The following GCNA variants were observed in gnomAD, a reference collection of about 807,000 sequenced individuals.
The protein encoded by GCNA is germ cell nuclear acidic protein.
GCNA carries 3 observed loss-of-function variants against 38.8 expected under a neutral mutation model. That is an observed-to-expected ratio of 0.08 (90% CI 0.04 to 0.20). The LOEUF is 0.20. Among genes scored for constraint, GCNA ranks in the 10% least tolerant of loss-of-function variants. GCNA has a pLI of 1.00. For synonymous variants in GCNA, 195 were observed against 240.2 expected, an observed-to-expected ratio of 0.81 and a Z score of 1.74; for missense variants, 446 against 578.6, an observed-to-expected ratio of 0.77 and a Z score of 2.35.
chrX:71,612,896 C>A lies in GCNA; in HGVS notation c.1990C>A (p.Arg664Ser), dbSNP rs138927483. 2 of 1,211,532 alleles carry A rather than the reference C, an allele frequency of 1.7e-6. No individual in the cohort carries two copies. Among genetic ancestry groups the A allele is most frequent in the East Asian group, 5.9e-5 (2 of 33,840 alleles). ...CTACACCAAATCGTTGGACACCAGC[C>A]GCTTCATCTGTGCCAAATGCAAGGG... Reference protein sequence around the residue: ...GCYTKSLDTSRFICAKCKGSL... With the variant: ...GCYTKSLDTSSFICAKCKGSL... Residue 664 changes from arginine to serine, a missense_variant, in exon 13 of 13, where the codon CGC (arginine) becomes AGC (serine). By Grantham distance (110) the Arg-to-Ser change is moderately radical. Transcript: ENST00000373696.
intron 2 of GCNA, among the ~76,000 whole-genome samples, chrX:71,586,461 G>A (rs1468947886): frequency 1.8e-5 from 2 of 111,292 alleles, no homozygotes; most frequent in Non-Finnish European, 3.8e-5. Flanking sequence ...GATATGGGAG[G>A]TGAGGGAAAG....
At chrX:71,606,270 A>G (rs2040768728) in intron 9 of GCNA, among the ~76,000 whole-genome samples, 1 of 112,272 alleles carries the variant, frequency 8.9e-6, no homozygotes, top group African/African-American at 3.2e-5. Flanking sequence ...ACTACTATGT[A>G]TATCTGTATG....
chrX:71,605,848 A>G, intron 9 of GCNA, 119 bp downstream of exon 9: 1 of 542,200 alleles, frequency 1.8e-6, no homozygotes, highest in Non-Finnish European at 2.9e-6. Context: ...CTGGGATGGG[A>G]CTGGGGGACA....
chrX:71,598,981 C>T (rs936556712), intron 7 of GCNA, among the ~76,000 whole-genome samples: 1 of 109,854 alleles, frequency 9.1e-6, no homozygotes, highest in African/African-American at 3.3e-5. Context: ...GCTGGGATTA[C>T]AGGCGCCCGC....
At chrX:71,580,498 G>A (rs1379513009) in intron 1 of GCNA, 7 of 147,655 alleles carry the variant, frequency 4.7e-5, no homozygotes, top group African/African-American at 2.3e-4. Context: ...TTTTTGAGAT[G>A]GAGTCTAGCT....
intron 7 of GCNA, among the ~76,000 whole-genome samples, chrX:71,600,704 ATAG>A (rs1385121951): frequency 3.6e-5 from 4 of 112,049 alleles, no homozygotes; most frequent in Non-Finnish European, 7.5e-5. Flanking sequence ...TTGTGAGTAG[ATAG>A]TAGGTGTATA....
At chrX:71,595,081 A>G (rs2040660312) in intron 6 of GCNA, among the ~76,000 whole-genome samples, 1 of 110,563 alleles carries the variant, frequency 9.0e-6, no homozygotes. Flanking sequence ...GCTCCTTTTT[A>G]TTTTTGTTTT....
In GCNA at chrX:71,603,725, G is replaced by A; in HGVS notation, c.448G>A (p.Asp150Asn). 5 of 1,207,679 alleles carry A rather than the reference G, an allele frequency of 4.1e-6. No individual in the cohort carries two copies. The highest frequency in any genetic ancestry group is 5.6e-6 in the Non-Finnish European group (5 of 894,816). Residue 150 changes from aspartate to asparagine, a missense_variant, in exon 8 of 13, where the codon GAC becomes AAC. Asp to Asn is a conservative substitution (Grantham distance 23). Coordinates refer to ENST00000373696, the MANE Select transcript of GCNA (RefSeq NM_052957.5). ...CAACAGTGATGATTCAGAAGCTCCC[G>A]ACGACAACAGTGATGATTCGGAAGC... is the stretch of plus-strand genomic sequence containing the variant. ...DDNSDDSEAPDDNSDDSEAPD... is the reference protein window; with the variant it reads ...DDNSDDSEAPNDNSDDSEAPD...
intron 9 of GCNA, 94 bp from the exon 10 acceptor site, chrX:71,608,879 C>G: frequency 9.9e-7 from 1 of 1,011,367 alleles, no homozygotes; most frequent in Non-Finnish European, 1.3e-6. Context: ...GAAGAGGGAG[C>G]AACATGTTTT....
At chrX:71,601,961 G>A (rs2040718968) in intron 7 of GCNA, among the ~76,000 whole-genome samples, 1 of 111,927 alleles carries the variant, frequency 8.9e-6, no homozygotes, top group African/African-American at 3.3e-5. Context: ...TCTTTCTTTC[G>A]GGTATATACG....
chrX:71,596,538 T>C (rs769980613), intron 6 of GCNA, among the ~76,000 whole-genome samples: 1 of 112,140 alleles, frequency 8.9e-6, no homozygotes, highest in Non-Finnish European at 1.9e-5. Context: ...GAAGTCCTTA[T>C]TTGATAATTA....
At chrX:71,584,752 C>A (rs1233765899) in intron 2 of GCNA, among the ~76,000 whole-genome samples, 1 of 110,343 alleles carries the variant, frequency 9.1e-6, no homozygotes, top group African/African-American at 3.3e-5. Flanking sequence ...CCTGTAGTCC[C>A]AGCTACTCGG....
rs372473788 is a variant in GCNA at position 71,612,980 on chromosome X, T to C, written c.2074T>C (p.Ter692ArgextTer40). 4 of 1,209,678 alleles carry C rather than the reference T, an allele frequency of 3.3e-6. No homozygotes were observed. In the African/African-American group the frequency reaches 5.2e-5, roughly 16 times the overall value. The change falls in exon 13 of 13, where the codon TGA (stop) becomes CGA (arginine). Residue 692 changes from the stop codon to arginine (R), a stop_lost. Coordinates refer to ENST00000373696, the MANE Select transcript of GCNA (RefSeq NM_052957.5). ...TGGGACCCGTATTGTGCCCCACGTG[T>C]GACCATTTGCTGTGTATGTGCAGAA... is the stretch of plus-strand genomic sequence containing the variant. ...KDGTRIVPHV[*>R] is the part of the protein sequence containing the mutation.
chrX:71,588,881 CTTTTTTTTAAGTT>C (rs1189873123), intron 2 of GCNA, among the ~76,000 whole-genome samples: 1 of 106,647 alleles, frequency 9.4e-6, no homozygotes, highest in African/African-American at 3.4e-5. Context: ...TCTTTTATAA[CTTTTTTTTAAGTT>C]TTTTTTTTTT....
intron 1 of GCNA, 31 bp from the exon 2 acceptor site, chrX:71,580,789 T>G: frequency 1.7e-6 from 2 of 1,182,241 alleles, no homozygotes; most frequent in East Asian, 3.1e-5. Flanking sequence ...CTGGCTTTCT[T>G]AAGAAAGTGT....
At chrX:71,608,928 C>T (rs754228795) in intron 9 of GCNA, 45 bp from the exon 10 acceptor site, 2 of 1,185,061 alleles carry the variant, frequency 1.7e-6, no homozygotes, top group East Asian at 3.0e-5. Context: ...TGCATTCCTT[C>T]TCTCTCTTTA....
At chrX:71,589,954 T>G (rs1330750417) in intron 2 of GCNA, among the ~76,000 whole-genome samples, 3 of 107,030 alleles carry the variant, frequency 2.8e-5, no homozygotes, top group Non-Finnish European at 5.8e-5. Flanking sequence ...TTTTTTTTTG[T>G]AGAGACGGTT....
At position 71,610,725 on chromosome X, in the gene GCNA, A is replaced by G; in HGVS notation, c.1656A>G (p.Lys552=). 8.2e-7 allele frequency: 1 copy of G among 1,212,270 alleles called. No individual in the cohort carries two copies. Among genetic ancestry groups the G allele is most frequent in the Non-Finnish European group, 1.1e-6 (1 of 895,516 alleles). ...LRIGWNNKMV[K]TAGLCSTGEM... is the part of the protein sequence containing the mutation. ...TAGGCTGGAATAACAAGATGGTGAA[A>G]ACTGCTGGCTTATGCAGCACTGGTG... Residue 552 remains lysine, a synonymous_variant, in exon 11 of 13, where the codon AAA becomes AAG. Coordinates refer to ENST00000373696, the MANE Select transcript of GCNA (RefSeq NM_052957.5).
chrX:71,593,943 T>C (rs750750079), intron 4 of GCNA, among the ~76,000 whole-genome samples: 1 of 111,505 alleles, frequency 9.0e-6, no homozygotes, highest in Non-Finnish European at 1.9e-5. Flanking sequence ...CTTGAATTCC[T>C]GGGCTCAAGC....
Sources: gnomAD v4.1 joint callset for allele counts (sites outside exome capture counted in the v4.1 genomes callset) on GRCh38, gnomAD v4.1.1 for gene constraint, MANE v1.5 for transcripts, NCBI Gene and HGNC (gene_info 2026-07-23, HGNC 2026-07-21) for gene names.